FAXC: variants seen among roughly 807,000 people sequenced by gnomAD.
FAXC encodes the protein failed axon connections homolog, metaxin like GST domain containing.
In FAXC, 10 loss-of-function variants were observed where a neutral mutation model predicts 41.9. The observed-to-expected ratio is 0.24, with a 90% CI of 0.15 to 0.41. FAXC has a LOEUF of 0.41. Ranked by LOEUF, FAXC falls within the 10% of genes least tolerant of loss-of-function variation. FAXC has a pLI of 1.00. For synonymous variants in FAXC, 183 were observed against 183.8 expected (o/e 1.00, Z 0.03); for missense variants, 399 against 510.9 (o/e 0.78, Z 2.11).
chr6:99,335,507 C>T (rs922951532), intron 2 of FAXC, among the ~76,000 whole-genome samples: 8 of 152,156 alleles, frequency 5.3e-5, no homozygotes, highest in Non-Finnish European at 8.8e-5. Flanking sequence ...CTTTGTTCTT[C>T]CTTTCACTTA....
upstream of FAXC, chr6:99,349,941 C>T (rs1030529073): frequency 3.9e-5 from 6 of 152,152 alleles, no homozygotes; most frequent in Non-Finnish European, 8.8e-5. Flanking sequence ...CCGGTCCTCC[C>T]CTACCCCGGC....
At chr6:99,290,731 C>T (rs1771208860) in intron 5 of FAXC, among the ~76,000 whole-genome samples, 1 of 151,440 alleles carries the variant, frequency 6.6e-6, no homozygotes, top group East Asian at 1.9e-4. Flanking sequence ...AATAATAATA[C>T]TTCGGAAAGC....
At chr6:99,283,667 G>C (rs910071358) in intron 5 of FAXC, among the ~76,000 whole-genome samples, 1 of 152,158 alleles carries the variant, frequency 6.6e-6, no homozygotes, top group Non-Finnish European at 1.5e-5. Context: ...CCCTTATGGG[G>C]ACAGTCATGA....
chr6:99,323,642 C>A lies in FAXC; in HGVS notation c.625G>T (p.Asp209Tyr). The change falls in exon 4 of 6, where the codon GAC becomes TAC. Residue 209 changes from aspartate to tyrosine, a missense_variant. By Grantham distance (160) the Asp-to-Tyr change is radical (BLOSUM62 -3). Coordinates refer to ENST00000389677, the MANE Select transcript of FAXC (RefSeq NM_032511.4). ...ATCTTCCGGGTCTCATTGAGATTGT[C>A]CACCCACTGGCAATAAGCTAATGTC... The part of the protein sequence containing the change: ...YWTLAYCQWV[D>Y]NLNETRKMLS... The A allele has an allele frequency of 6.2e-7, 1 of 1,614,162 alleles. No homozygotes were observed. The highest frequency in any genetic ancestry group is 1.1e-5 in the South Asian group (1 of 91,072).
intron 3 of FAXC, among the ~76,000 whole-genome samples, chr6:99,327,408 C>T (rs1264177263): frequency 1.3e-5 from 2 of 152,174 alleles, no homozygotes; most frequent in African/African-American, 2.4e-5. Flanking sequence ...CCAACTACTC[C>T]ACCAAAATCA....
In FAXC at chr6:99,309,802, T is replaced by C. The variant is rs138148433; in HGVS notation, c.823+13642A>G. ...CCACTTCAATGGATGAGCACAGGAC[T>C]CCGGTATGAACTTGTAAGAGGGTGA... On this transcript the variant is annotated intron_variant, in intron 4 of 5. Coordinates refer to ENST00000389677, the MANE Select transcript of FAXC (RefSeq NM_032511.4). 171 of 533,718 alleles carry C rather than the reference T, an allele frequency of 3.2e-4. 1 individual carries two copies. The African/African-American group carries it at 3.3e-3, about 10-fold the overall frequency. The allele number at this position is 533,718 out of a possible 1,614,324, so 33.1% of individuals were successfully genotyped here.
In FAXC at chr6:99,341,076, T is replaced by C. The variant is rs1029371013; in HGVS notation, c.402+1822A>G. Among the ~76,000 whole-genome samples the C allele has an allele frequency of 3.9e-5, 6 of 152,194 alleles. No homozygotes were observed. In the South Asian group the frequency reaches 6.2e-4, roughly 16 times the overall value. On this transcript the variant is annotated intron_variant, in intron 2 of 5. Transcript: ENST00000389677. ...ACGTAAACTGCTAATGTGTTTGTAT[T>C]ATAACAGAATAAATACAGACTTTAA...
chr6:99,337,241 T>C lies in FAXC; in HGVS notation c.403-3694A>G, dbSNP rs144044228. 2.9e-4 allele frequency among the ~76,000 whole-genome samples: 41 copies of C among 143,580 alleles called. No individual in the cohort carries two copies. The East Asian group carries it at 8.7e-3, about 30-fold the overall frequency. The allele number at this position is 143,580 out of a possible 152,430, so 94.2% of individuals were successfully genotyped here. A position where few individuals can be genotyped will look rare whatever the true frequency, so the allele number is the denominator to read the frequency against. ...TGGGGGTGTGCACTGTACTATTCTT[T>C]TGTCTGCAGCTTAGGAAAAAAAAAA... On this transcript the variant is annotated intron_variant, in intron 2 of 5. Transcript: ENST00000389677.
intron 5 of FAXC, among the ~76,000 whole-genome samples, chr6:99,288,105 C>T (rs535447654): frequency 2.6e-5 from 4 of 152,224 alleles, no homozygotes; most frequent in South Asian, 4.1e-4. Context: ...TGCCTCAAGT[C>T]CTTTCAGGAA....
intron 4 of FAXC, among the ~76,000 whole-genome samples, chr6:99,312,483 T>C (rs1024395922): frequency 2.0e-5 from 3 of 152,178 alleles, no homozygotes; most frequent in Admixed American, 6.5e-5. Context: ...TCACAAATGA[T>C]CTACAAGTGG....
In FAXC at chr6:99,286,670, C is replaced by T. The variant is rs372706932; in HGVS notation, c.940+5034G>A. 9.8e-5 allele frequency among the ~76,000 whole-genome samples: 15 copies of T among 152,300 alleles called. No individual in the cohort carries two copies. In the East Asian group the frequency reaches 1.3e-3, roughly 14 times the overall value. On this transcript the variant is annotated intron_variant, in intron 5 of 5. Coordinates refer to ENST00000389677, the MANE Select transcript of FAXC (RefSeq NM_032511.4). ...CTGCAGAGCTCTTGACCCATCATGG[C>T]TTCAATTTCACTTTTCTCAGCTTTC... is the stretch of plus-strand genomic sequence containing the variant.
chr6:99,317,583 C>A (rs1772411284), intron 4 of FAXC, among the ~76,000 whole-genome samples: 1 of 151,184 alleles, frequency 6.6e-6, no homozygotes, highest in Non-Finnish European at 1.5e-5. Flanking sequence ...GTCTGACAGC[C>A]TGGATTTGAG....
At chr6:99,321,850 C>T (rs1168871960) in intron 4 of FAXC, among the ~76,000 whole-genome samples, 1 of 152,204 alleles carries the variant, frequency 6.6e-6, no homozygotes, top group Non-Finnish European at 1.5e-5. Flanking sequence ...GTTAAAAAAG[C>T]AACACTGTTA....
In FAXC at chr6:99,276,619, C is replaced by A. The variant is rs1342294865; in HGVS notation, c.*4545G>T. ...ATTACTTTTGCTTGCATAGCCTGTACTAATTTTTCTTCTCTCTGGCTGTGT... is the reference window on the plus strand; with the variant it reads ...ATTACTTTTGCTTGCATAGCCTGTAATAATTTTTCTTCTCTCTGGCTGTGT... On this transcript the variant is annotated 3_prime_UTR_variant, in exon 6 of 6. Transcript: ENST00000389677. 1.3e-5 allele frequency: 2 copies of A among 152,166 alleles called. No homozygotes were observed. The highest frequency in any genetic ancestry group is 2.9e-5 in the Non-Finnish European group (2 of 68,030). 9.4% of individuals were successfully genotyped at this position (152,166 alleles called of 1,614,324 possible). A position where few individuals can be genotyped will look rare whatever the true frequency, so the allele number is the denominator to read the frequency against.
intron 2 of FAXC, among the ~76,000 whole-genome samples, chr6:99,341,703 A>G (rs1773433595): frequency 2.0e-5 from 3 of 152,226 alleles, no homozygotes; most frequent in African/African-American, 7.2e-5. Flanking sequence ...AAAAATAAGC[A>G]GAAATACAGA....
intron 4 of FAXC, among the ~76,000 whole-genome samples, chr6:99,293,724 G>C (rs1208183101): frequency 7.1e-6 from 1 of 140,638 alleles, no homozygotes; most frequent in Non-Finnish European, 1.6e-5. Flanking sequence ...CTGTGTGTGT[G>C]TGTGTGTGTG....
At chr6:99,295,447 G>A (rs996173188) in intron 4 of FAXC, among the ~76,000 whole-genome samples, 2 of 152,168 alleles carry the variant, frequency 1.3e-5, no homozygotes, top group Admixed American at 6.6e-5. Flanking sequence ...CCTCCCTAAG[G>A]TGGGTGGGCC....
At chr6:99,305,707 T>A (rs1771891621) in intron 4 of FAXC, among the ~76,000 whole-genome samples, 1 of 53,166 alleles carries the variant, frequency 1.9e-5, no homozygotes, top group Admixed American at 1.9e-4. Flanking sequence ...GCATAATACA[T>A]ATTATAACAT....
intron 1 of FAXC, among the ~76,000 whole-genome samples, chr6:99,348,259 A>C (rs1773666818): frequency 6.6e-6 from 1 of 152,196 alleles, no homozygotes; most frequent in Non-Finnish European, 1.5e-5. Flanking sequence ...GAAGGCTCAA[A>C]TGCATGGAAA....
Sources: allele counts gnomAD v4.1 joint callset (sites outside exome capture counted in the v4.1 genomes callset), GRCh38; gene constraint gnomAD v4.1.1; transcripts MANE v1.5; gene names NCBI Gene and HGNC (gene_info 2026-07-23, HGNC 2026-07-21).